Variants in TMEM132C observed in about 807,000 individuals in gnomAD.
TMEM132C encodes protein phosphatase 1, regulatory subunit 152.
TMEM132C carries 29 observed loss-of-function variants against 61.4 expected under a neutral mutation model. That is an observed-to-expected ratio of 0.47 (90% CI 0.35 to 0.64). TMEM132C has a LOEUF of 0.64. Ranked by LOEUF, TMEM132C falls within the 30% of genes least tolerant of loss-of-function variation. The probability of loss-of-function intolerance (pLI) is 0.00; values close to 1 mark genes in which losing one functional copy is unlikely to be tolerated. For missense variants in TMEM132C, 1,408 were observed against 1,476.9 expected (o/e 0.95, Z 0.76); for synonymous variants, 656 against 633.1 (o/e 1.04, Z -0.54).
At chr12:128,480,429 A>G (rs1440952649) in intron 2 of TMEM132C, among the ~76,000 whole-genome samples, 1 of 152,142 alleles carries the variant, frequency 6.6e-6, no homozygotes, top group African/African-American at 2.4e-5. Flanking sequence ...AAAGTCTGAG[A>G]TAGTTCCAGA....
intron 1 of TMEM132C, among the ~76,000 whole-genome samples, chr12:128,356,918 C>T (rs895081767): frequency 1.3e-5 from 2 of 152,240 alleles, no homozygotes; most frequent in African/African-American, 4.8e-5. Flanking sequence ...ACAACTTGCC[C>T]AAGATAAATA....
intron 4 of TMEM132C, among the ~76,000 whole-genome samples, chr12:128,663,848 G>A (rs902068108): frequency 5.3e-5 from 8 of 151,378 alleles, no homozygotes; most frequent in South Asian, 2.1e-4. Context: ...CCACATGCAC[G>A]CACGCAGGCA....
intron 3 of TMEM132C, among the ~76,000 whole-genome samples, chr12:128,609,549 T>C (rs541508171): frequency 2.8e-4 from 42 of 152,156 alleles, no homozygotes; most frequent in Admixed American, 2.7e-3. Context: ...TGAGCCACCG[T>C]GCACAGCCTG....
intron 2 of TMEM132C, among the ~76,000 whole-genome samples, chr12:128,416,839 G>C (rs1166423246): frequency 1.3e-5 from 2 of 151,998 alleles, no homozygotes; most frequent in Admixed American, 1.3e-4. Context: ...AATGTTTTCT[G>C]GATACGCTTG....
chr12:128,548,921 T>C (rs1874057442), intron 3 of TMEM132C, among the ~76,000 whole-genome samples: 1 of 152,204 alleles, frequency 6.6e-6, no homozygotes, highest in Admixed American at 6.5e-5. Flanking sequence ...GCGCATAGGT[T>C]GTATGCTACT....
chr12:128,570,359 G>A lies in TMEM132C; in HGVS notation c.1121+26256G>A, dbSNP rs1043909400. On this transcript the variant is annotated intron_variant, in intron 3 of 8. Transcript: ENST00000435159. The surrounding 1 kb of genome is among the most constrained non-coding windows in gnomAD (Gnocchi z 4.7). The stretch of plus-strand genomic sequence containing the variant: ...ATTCACAACACGTGAGTGCATTCAT[G>A]GGCCTTTACAAATCTTGTTTTGACA... Among the ~76,000 whole-genome samples the A allele has an allele frequency of 2.0e-5, 3 of 152,182 alleles. No individual in the cohort carries two copies. Among genetic ancestry groups the A allele is most frequent in the Admixed American group, 1.3e-4 (2 of 15,276 alleles).
At chr12:128,411,025 G>T (rs1052051444) in intron 1 of TMEM132C, among the ~76,000 whole-genome samples, 3 of 152,104 alleles carry the variant, frequency 2.0e-5, no homozygotes, top group Non-Finnish European at 4.4e-5. Context: ...ATTTCCTCAT[G>T]ATTAGATGCA....
At chr12:128,624,184 T>G (rs935347319) in intron 4 of TMEM132C, among the ~76,000 whole-genome samples, 4 of 152,170 alleles carry the variant, frequency 2.6e-5, no homozygotes, top group East Asian at 1.9e-4. Context: ...TCCCAATGCC[T>G]CCTCCTAATG....
At chr12:128,281,076 CTT>C (rs1342647005) in intron 1 of TMEM132C, among the ~76,000 whole-genome samples, 4 of 152,192 alleles carry the variant, frequency 2.6e-5, no homozygotes, top group Admixed American at 2.6e-4. Context: ...AGTAGTATCT[CTT>C]TCCTCCTCAG....
chr12:128,356,767 C>T (rs1041833153), intron 1 of TMEM132C, among the ~76,000 whole-genome samples: 6 of 152,178 alleles, frequency 3.9e-5, no homozygotes, highest in East Asian at 1.9e-4. Flanking sequence ...GCCTTCTGCC[C>T]GCTCTGGAGA....
At chr12:128,602,300 G>A (rs1348872430) in intron 3 of TMEM132C, among the ~76,000 whole-genome samples, 1 of 152,216 alleles carries the variant, frequency 6.6e-6, no homozygotes, top group Admixed American at 6.5e-5. Flanking sequence ...AAAACAATCT[G>A]TGCAGCCCTA....
chr12:128,596,491 T>C (rs1472985707), intron 3 of TMEM132C, among the ~76,000 whole-genome samples: 1 of 147,598 alleles, frequency 6.8e-6, no homozygotes, highest in Non-Finnish European at 1.5e-5. Flanking sequence ...TCCGTCACAC[T>C]GGGCTGCCCC....
chr12:128,294,851 A>G (rs1709700), intron 1 of TMEM132C, among the ~76,000 whole-genome samples: 34,694 of 151,964 alleles, frequency 0.23, 4,453 homozygotes, highest in East Asian at 0.5. Flanking sequence ...CAACACATGA[A>G]TTTTCAAGGA....
chr12:128,286,512 T>C (rs997170610), intron 1 of TMEM132C, among the ~76,000 whole-genome samples: 1 of 152,236 alleles, frequency 6.6e-6, no homozygotes, highest in African/African-American at 2.4e-5. Flanking sequence ...TAAGCCTTAT[T>C]GATTTACATA....
intron 1 of TMEM132C, among the ~76,000 whole-genome samples, chr12:128,285,177 G>C (rs1298191535): frequency 1.3e-5 from 2 of 152,088 alleles, no homozygotes; most frequent in Admixed American, 6.5e-5. Flanking sequence ...GCACTGCAGG[G>C]TGACTATGAT....
intron 2 of TMEM132C, among the ~76,000 whole-genome samples, chr12:128,528,295 A>G (rs1416789543): frequency 1.3e-5 from 2 of 152,272 alleles, no homozygotes; most frequent in South Asian, 4.1e-4. Context: ...CTCCTGGACC[A>G]CAGCACGATC....
chr12:128,369,921 G>A (rs572585610), intron 1 of TMEM132C, among the ~76,000 whole-genome samples: 29 of 152,186 alleles, frequency 1.9e-4, no homozygotes, highest in Non-Finnish European at 4.0e-4. Context: ...CTGCCACAGC[G>A]TTTCCCTGGC....
chr12:128,571,635 G>C (rs1874889115), intron 3 of TMEM132C, among the ~76,000 whole-genome samples: 1 of 152,170 alleles, frequency 6.6e-6, no homozygotes, highest in African/African-American at 2.4e-5. Flanking sequence ...CCTCGTGTAA[G>C]AGGAATCACA....
chr12:128,334,321 G>A (rs575224795), intron 1 of TMEM132C, among the ~76,000 whole-genome samples: 10 of 152,198 alleles, frequency 6.6e-5, no homozygotes, highest in African/African-American at 1.9e-4. Context: ...CCATGTCCTC[G>A]AGATTCAAGG....
Sources: gnomAD v4.1 joint callset for allele counts (sites outside exome capture counted in the v4.1 genomes callset) on GRCh38, gnomAD v4.1.1 for gene constraint, Gnocchi (gnomAD v3.1) non-coding constraint, MANE v1.5 for transcripts, NCBI Gene and HGNC (gene_info 2026-07-23, HGNC 2026-07-21) for gene names.